The following SVEP1 variants were observed in gnomAD, a reference collection of about 807,000 sequenced individuals.
SVEP1 encodes the protein sushi, von Willebrand factor type A, EGF and pentraxin domain containing 1.
A neutral mutation model predicts 367.3 loss-of-function variants in SVEP1; 164 were observed. That is an observed-to-expected ratio of 0.45 (90% confidence interval 0.39 to 0.51). SVEP1 has a LOEUF of 0.51. Ranked by LOEUF, SVEP1 falls within the 20% of genes least tolerant of loss-of-function variation. SVEP1 has a pLI of 0.00. For missense variants in SVEP1, 4,117 were observed against 4,425.3 expected, an observed-to-expected ratio of 0.93 and a Z score of 1.98; for synonymous variants, 1,666 against 1,611.6, an observed-to-expected ratio of 1.03 and a Z score of -0.81.
Position 110,446,965 on chromosome 9 carries a change from A to G in SVEP1, c.4196T>C (p.Val1399Ala). The G allele has an allele frequency of 6.5e-7, 1 of 1,547,278 alleles. No individual in the cohort carries two copies. Among genetic ancestry groups the G allele is most frequent in the Non-Finnish European group, 8.7e-7 (1 of 1,145,400 alleles). The change falls in exon 25 of 48, where the codon GTG becomes GCG. Residue 1399 changes from valine to alanine, a missense_variant. Val to Ala is a moderately conservative substitution (Grantham distance 64). Coordinates refer to ENST00000374469, the MANE Select transcript of SVEP1 (RefSeq NM_153366.4). ...ACAACTGTATGAATTTAATTCATCC[A>G]CACAGGTGGCCTGATTTCTACATGG... Reference protein sequence around the residue: ...SNPCRNQATCVDELNSYSCKC... With the variant: ...SNPCRNQATCADELNSYSCKC...
intron 17 of SVEP1, among the ~76,000 whole-genome samples, chr9:110,468,394 T>A (rs1828969314): frequency 6.6e-6 from 1 of 152,256 alleles, no homozygotes; most frequent in African/African-American, 2.4e-5. Context: ...TATCATACCT[T>A]GCCTTGGCAT....
At position 110,435,337 on chromosome 9, in the gene SVEP1, C is replaced by A; in HGVS notation, c.4792G>T (p.Glu1598Ter). ...QVKSLATSCPEELSKGNVLAW... is the reference protein window; with the variant it reads ...QVKSLATSCP ...AACACGTTTCCTTTACTGAGTTCCT[C>A]TGGGCAGGAGGTAGCCAGTGACTTC... Residue 1598 changes from glutamate to a stop codon, truncating the protein, a stop_gained, in exon 29 of 48, where the codon GAG becomes TAG. Transcript: ENST00000374469. LOFTEE classifies it high-confidence loss of function. 3 of 1,613,580 alleles carry A rather than the reference C, an allele frequency of 1.9e-6. No individual in the cohort carries two copies. The highest frequency in any genetic ancestry group is 2.5e-6 in the Non-Finnish European group (3 of 1,179,554).
At chr9:110,455,814 G>T in intron 21 of SVEP1, 111 bp from the exon 22 acceptor site, 1 of 472,662 alleles carries the variant, frequency 2.1e-6, no homozygotes, top group South Asian at 3.7e-5. Context: ...TAAATGGGTA[G>T]TGGTAAAGGG....
rs757374145 is a variant in SVEP1, at chr9:110,471,423, T to G, written c.2939A>C (p.Glu980Ala). 5.0e-6 allele frequency: 8 copies of G among 1,613,994 alleles called. No individual in the cohort carries two copies. In the East Asian group the frequency reaches 1.8e-4, roughly 36 times the overall value. ...GCAGAAGGGGGAAGCCTTTTTTGTT[T>G]CTAATGAATTGCTGTCGGCTATAAG... ...EILIADSNSL[E>A]TKKASPFCRP... Residue 980 changes from glutamate to alanine, a missense_variant, in exon 16 of 48, where the codon GAA (glutamate) becomes GCA (alanine). This residue lies in a region of SVEP1 where 2,174 missense variants were observed against 2,494.3 expected (regional missense o/e 0.87). Coordinates refer to ENST00000374469, the MANE Select transcript of SVEP1 (RefSeq NM_153366.4).
intron 46 of SVEP1, among the ~76,000 whole-genome samples, chr9:110,370,448 T>C (rs570899430): frequency 1.3e-5 from 2 of 152,296 alleles, no homozygotes; most frequent in African/African-American, 2.4e-5. Context: ...GGAGTTAGCA[T>C]TGAACTCTAT....
intron 32 of SVEP1, among the ~76,000 whole-genome samples, chr9:110,431,378 T>G (rs1183043404): frequency 6.6e-6 from 1 of 152,222 alleles, no homozygotes; most frequent in Non-Finnish European, 1.5e-5. Flanking sequence ...AGACATCTTA[T>G]TGTTTTCCAG....
chr9:110,573,252 A>G lies in SVEP1; in HGVS notation c.531+5761T>C, dbSNP rs893064935. Among the ~76,000 whole-genome samples, 6 of 152,140 alleles carry G rather than the reference A, an allele frequency of 3.9e-5. 1 individual carries two copies. The highest frequency in any genetic ancestry group is 2.0e-4 in the Admixed American group (3 of 15,274). On this transcript the variant is annotated intron_variant, in intron 1 of 47. Coordinates refer to ENST00000374469, the MANE Select transcript of SVEP1 (RefSeq NM_153366.4). Reference sequence around the variant, plus strand: ...GCCATCAGAGAGACCACTGCAAAACATACAAAGGCTATTATCAGCCTTTGT... The same window carrying G: ...GCCATCAGAGAGACCACTGCAAAACGTACAAAGGCTATTATCAGCCTTTGT...
At chr9:110,523,201 T>G (rs954445646) in intron 3 of SVEP1, among the ~76,000 whole-genome samples, 12 of 152,106 alleles carry the variant, frequency 7.9e-5, no homozygotes, top group African/African-American at 2.9e-4. Flanking sequence ...GCAAGCTACC[T>G]CCAGTCCCCA....
chr9:110,463,479 T>C (rs148900566), intron 18 of SVEP1, among the ~76,000 whole-genome samples: 166 of 151,876 alleles, frequency 1.1e-3, no homozygotes, highest in African/African-American at 3.9e-3. Context: ...AGCAATGTCT[T>C]AGCACAAAAT....
At position 110,379,531 on chromosome 9, in the gene SVEP1, AAAC is replaced by A. The variant is rs755602110; in HGVS notation, c.10238-17_10238-15del. ...CACATGAGATTTCTACAGGATAACA[AAAC>A]AACAATTAAGCTTGTGCTATTAACA... is the stretch of plus-strand genomic sequence containing the variant. On this transcript the variant is annotated splice_polypyrimidine_tract_variant and intron_variant, in intron 43 of 47. Transcript: ENST00000374469. 3 of 1,613,290 alleles carry A rather than the reference AAAC, an allele frequency of 1.9e-6. No individual in the cohort carries two copies. In the South Asian group the frequency reaches 3.3e-5, roughly 18 times the overall value.
intron 5 of SVEP1, among the ~76,000 whole-genome samples, chr9:110,508,051 C>T (rs1829651678): frequency 6.6e-6 from 1 of 152,150 alleles, no homozygotes; most frequent in African/African-American, 2.4e-5. Context: ...CAAGAATGAA[C>T]ACTTAATACC....
In SVEP1 at chr9:110,549,833, A is replaced by C; in HGVS notation, c.787+16T>G. The C allele has an allele frequency of 6.2e-7, 1 of 1,612,740 alleles. No homozygotes were observed. Among genetic ancestry groups the C allele is most frequent in the Non-Finnish European group, 8.5e-7 (1 of 1,179,152 alleles). ...CATTTAAAAGTACCTTTGTGATGCC[A>C]TTAGGTTTCCATTACCTTCATGCAA... On this transcript the variant is annotated intron_variant, in intron 2 of 47. Coordinates refer to ENST00000374469, the MANE Select transcript of SVEP1 (RefSeq NM_153366.4).
intron 36 of SVEP1, among the ~76,000 whole-genome samples, chr9:110,423,630 A>G (rs1382065416): frequency 6.6e-6 from 1 of 152,162 alleles, no homozygotes; most frequent in Non-Finnish European, 1.5e-5. Context: ...AAAAATCCCT[A>G]AAGGACTCTA....
At position 110,562,836 on chromosome 9, in the gene SVEP1, C is replaced by T. The variant is rs375633358; in HGVS notation, c.532-12732G>A. ...TCCCAAGTAGTTGGGATTACAGGTG[C>T]CTGCCACCGCACCCGGCCAATTTTT... is the stretch of plus-strand genomic sequence containing the variant. On this transcript the variant is annotated intron_variant, in intron 1 of 47. Coordinates refer to ENST00000374469, the MANE Select transcript of SVEP1 (RefSeq NM_153366.4). Among the ~76,000 whole-genome samples, 96 of 152,154 alleles carry T rather than the reference C, an allele frequency of 6.3e-4. 1 individual carries two copies. The highest frequency in any genetic ancestry group is 2.2e-3 in the African/African-American group (92 of 41,494).
At chr9:110,572,824 T>C (rs1398473386) in intron 1 of SVEP1, among the ~76,000 whole-genome samples, 2 of 132,036 alleles carry the variant, frequency 1.5e-5, no homozygotes, top group African/African-American at 2.8e-5. Context: ...AAATGAGTAC[T>C]ACTTTTTTGC....
chr9:110,463,615 GGAAAGAAAGAAAGGAAGAAAAA>G lies in SVEP1; in HGVS notation c.3322+2228_3322+2249del, dbSNP rs1487248675. On this transcript the variant is annotated intron_variant, in intron 18 of 47. Coordinates refer to ENST00000374469, the MANE Select transcript of SVEP1 (RefSeq NM_153366.4). ...AAAGAAAGAAAGGAAGAAAAAGGAA[GGAAAGAAAGAAAGGAAGAAAAA>G]GAAAGAAAGAAAGGCTGATGAAAGA... Among the ~76,000 whole-genome samples the G allele has an allele frequency of 1.6e-4, 23 of 143,686 alleles. No individual in the cohort carries two copies. The South Asian group carries it at 2.3e-3, about 15-fold the overall frequency. 94.3% of individuals were successfully genotyped at this position (143,686 alleles called of 152,430 possible).
Position 110,427,705 on chromosome 9 carries a change from G to T in SVEP1, c.5861C>A (p.Ala1954Glu), listed in dbSNP as rs745467484. Reference protein sequence around the residue: ...ECTASGIWDRAPPACHLVFCG... With the variant: ...ECTASGIWDREPPACHLVFCG... ...GAAGACGAGGTGACAGGCAGGTGGCGCTCTGTCCCAGATGCCAGAAGCCGT... is the reference window on the plus strand; with the variant it reads ...GAAGACGAGGTGACAGGCAGGTGGCTCTCTGTCCCAGATGCCAGAAGCCGT... The change falls in exon 36 of 48, where the codon GCG (alanine) becomes GAG (glutamate). Residue 1954 changes from alanine (A) to glutamate (E), a missense_variant. Ala to Glu is a moderately radical substitution (Grantham distance 107). This residue lies in a region of SVEP1 where 2,174 missense variants were observed against 2,494.3 expected (regional missense o/e 0.87). Coordinates refer to ENST00000374469, the MANE Select transcript of SVEP1 (RefSeq NM_153366.4). 6.8e-6 allele frequency: 11 copies of T among 1,613,736 alleles called. No homozygotes were observed. The African/African-American group carries it at 1.3e-4, about 20-fold the overall frequency.
intron 3 of SVEP1, among the ~76,000 whole-genome samples, chr9:110,529,472 A>G (rs1423688952): frequency 6.6e-6 from 1 of 152,064 alleles, no homozygotes; most frequent in African/African-American, 2.4e-5. Flanking sequence ...TTTTCCTTAT[A>G]TTGATTCTTC....
At chr9:110,453,276 T>C (rs1828723648) in intron 22 of SVEP1, among the ~76,000 whole-genome samples, 1 of 152,100 alleles carries the variant, frequency 6.6e-6, no homozygotes, top group South Asian at 2.1e-4. Flanking sequence ...CATAATAATA[T>C]TATGGGGTCA....
Sources: allele counts gnomAD v4.1 joint callset (sites outside exome capture counted in the v4.1 genomes callset), GRCh38; gene constraint gnomAD v4.1.1; regional missense constraint gnomAD v4.1.1; transcripts MANE v1.5; gene names NCBI Gene and HGNC (gene_info 2026-07-23, HGNC 2026-07-21).